The following MAP4K4 variants were observed in gnomAD, a reference collection of about 807,000 sequenced individuals.
MAP4K4 encodes HPK/GCK-like kinase HGK.
Under a neutral mutation model 189.6 loss-of-function variants are expected in MAP4K4, and 38 were observed. The observed-to-expected ratio is 0.20, with a 90% CI of 0.15 to 0.26. The LOEUF (loss-of-function observed/expected upper bound fraction) is 0.26, where lower values mean the gene tolerates loss of function less well. Ranked by LOEUF, MAP4K4 falls within the 10% of genes least tolerant of loss-of-function variation. MAP4K4 has a pLI of 1.00. For synonymous variants in MAP4K4, 610 were observed against 624.3 expected, an observed-to-expected ratio of 0.98 and a Z score of 0.34; for missense variants, 1,054 against 1,726.9, an observed-to-expected ratio of 0.61 and a Z score of 6.91.
rs1169432132 is a variant in MAP4K4, at chr2:101,723,604, T to C, written c.123+25066T>C. On this transcript the variant is annotated intron_variant, in intron 2 of 32. Transcript: ENST00000324219. ...CCTGGGCCAGAATCCAGGTGAGTTC[T>C]CAGTAAGGGTAAGTCTAGAGTTTTC... 3.3e-5 allele frequency among the ~76,000 whole-genome samples: 5 copies of C among 152,196 alleles called. 1 individual carries two copies. The highest frequency in any genetic ancestry group is 1.2e-4 in the African/African-American group (5 of 41,452).
chr2:101,870,196 C>G, intron 22 of MAP4K4, 99 bp from the exon 23 acceptor site: 3 of 1,245,030 alleles, frequency 2.4e-6, no homozygotes, highest in Non-Finnish European at 3.4e-6. Context: ...TATCGGTAGC[C>G]TCATCTCATG....
At chr2:101,815,915 C>T (rs755395570) in intron 3 of MAP4K4, among the ~76,000 whole-genome samples, 2 of 152,118 alleles carry the variant, frequency 1.3e-5, no homozygotes, top group African/African-American at 2.4e-5. Flanking sequence ...CGCACGGGGA[C>T]GTGTTGATAG....
intron 3 of MAP4K4, among the ~76,000 whole-genome samples, chr2:101,823,170 T>C (rs988384367): frequency 1.3e-5 from 2 of 152,198 alleles, no homozygotes; most frequent in Admixed American, 6.5e-5. Context: ...GGGCAACTTA[T>C]TTTTATTTTC....
intron 26 of MAP4K4, among the ~76,000 whole-genome samples, chr2:101,876,327 A>G (rs1445424476): frequency 6.6e-6 from 1 of 152,172 alleles, no homozygotes; most frequent in East Asian, 1.9e-4. Flanking sequence ...TGTGGAAATA[A>G]GGAAGGAGGC....
chr2:101,854,658 G>A (rs1381673221), intron 12 of MAP4K4, among the ~76,000 whole-genome samples: 3 of 152,142 alleles, frequency 2.0e-5, no homozygotes, highest in African/African-American at 7.2e-5. Context: ...TGAGAGTGGT[G>A]GGAAGACCCA....
chr2:101,702,255 G>C (rs916069725), intron 2 of MAP4K4, among the ~76,000 whole-genome samples: 3 of 152,164 alleles, frequency 2.0e-5, no homozygotes, highest in African/African-American at 7.2e-5. Context: ...GATGGCTGGT[G>C]TTCCAAATGT....
chr2:101,849,268 A>G (rs2097204357), intron 12 of MAP4K4, among the ~76,000 whole-genome samples: 2 of 152,048 alleles, frequency 1.3e-5, no homozygotes, highest in South Asian at 2.1e-4. Flanking sequence ...GTCTACAGGC[A>G]TGCACCAGCA....
chr2:101,756,220 C>T (rs1318209245), intron 2 of MAP4K4, among the ~76,000 whole-genome samples: 1 of 152,010 alleles, frequency 6.6e-6, no homozygotes, highest in Non-Finnish European at 1.5e-5. Flanking sequence ...CTGGGATTAA[C>T]AGGCGTGAGC....
At chr2:101,817,542 C>G in intron 3 of MAP4K4, among the ~76,000 whole-genome samples, 1 of 152,192 alleles carries the variant, frequency 6.6e-6, no homozygotes, top group Admixed American at 6.5e-5. Context: ...TCTTCTATAT[C>G]ACATTATTTT....
intron 12 of MAP4K4, among the ~76,000 whole-genome samples, chr2:101,851,724 C>CTTTTTTTTTTTTTTTTTT (rs36217584): frequency 1.5e-5 from 1 of 67,902 alleles, no homozygotes; most frequent in Non-Finnish European, 3.4e-5. Context: ...TAACTGTCCT[C>CTTTTTTTTTTTTTTTTTT]TTTTTTTTTT....
rs371124016 is a variant in MAP4K4, at chr2:101,870,399, C to T, written c.2744C>T (p.Thr915Ile). ...GCCATGACCCCATCCAAGGAGGGCA[C>T]TCTAATCGTCCGCCAGGTACCCGTG... The change falls in exon 23 of 33, where the codon ACT (threonine) becomes ATT (isoleucine). Residue 915 changes from threonine to isoleucine, a missense_variant. Around this residue, in one of 4 missense-constraint regions of MAP4K4, gnomAD observed 646 missense variants for 796.2 expected, o/e 0.81. Coordinates refer to ENST00000324219, the Ensembl canonical transcript of MAP4K4. 7.6e-5 allele frequency: 123 copies of T among 1,613,702 alleles called. 1 individual carries two copies. The highest frequency in any genetic ancestry group is 1.4e-5 in the Non-Finnish European group (17 of 1,179,796).
At chr2:101,701,933 T>C (rs941505349) in intron 2 of MAP4K4, among the ~76,000 whole-genome samples, 3 of 152,192 alleles carry the variant, frequency 2.0e-5, no homozygotes, top group African/African-American at 7.2e-5. Context: ...TGGCACCATC[T>C]CTACTCACTG....
At chr2:101,789,635 T>G (rs1041957283) in intron 2 of MAP4K4, among the ~76,000 whole-genome samples, 1 of 152,194 alleles carries the variant, frequency 6.6e-6, no homozygotes, top group African/African-American at 2.4e-5. Flanking sequence ...ACTCTTTAAG[T>G]CATGAGACAC....
At chr2:101,869,726 TGAG>T (rs2097923380) in exon 22 of MAP4K4, 3 of 1,597,700 alleles carry the variant, frequency 1.9e-6, no homozygotes, top group East Asian at 2.3e-5. Flanking sequence ...GGACGACGGA[TGAG>T]GAGGACGACG....
intron 3 of MAP4K4, among the ~76,000 whole-genome samples, chr2:101,810,167 TA>T (rs898576616): frequency 2.0e-4 from 30 of 152,328 alleles, no homozygotes; most frequent in Admixed American, 1.8e-3. Context: ...ACCCTTTGGC[TA>T]AACCATTGGG....
In MAP4K4 at chr2:101,717,396, G is replaced by T. The variant is rs117667212; in HGVS notation, c.123+18858G>T. 9.8e-4 allele frequency among the ~76,000 whole-genome samples: 149 copies of T among 152,312 alleles called. No individual in the cohort carries two copies. In the East Asian group the frequency reaches 0.015, roughly 15 times the overall value. ...TGCTGTTTATGTGTTGGAAGATGAC[G>T]TTTGAAGATGAGTTTTAGTTCTTAG... On this transcript the variant is annotated intron_variant, in intron 2 of 32. Transcript: ENST00000324219.
rs1274521581 is a variant in MAP4K4, at chr2:101,797,446, CCTTATCTT to C, written c.180+6681_180+6688del. The C allele has an allele frequency of 5.7e-6, 7 of 1,236,478 alleles. No individual in the cohort carries two copies. The Admixed American group carries it at 7.1e-5, about 13-fold the overall frequency. The allele number at this position is 1,236,478 out of a possible 1,614,324, so 76.6% of individuals were successfully genotyped here. A position where few individuals can be genotyped will look rare whatever the true frequency, so the allele number is the denominator to read the frequency against. ...CCCCCTCCTGCACCGCCCCCTCCCT[CCTTATCTT>C]CTTATCTTCTGCTTTTCCCTTAGCT... On this transcript the variant is annotated intron_variant, in intron 3 of 32. Coordinates refer to ENST00000324219, the Ensembl canonical transcript of MAP4K4.
chr2:101,833,491 G>T (rs1016752861), intron 7 of MAP4K4, among the ~76,000 whole-genome samples: 13 of 151,854 alleles, frequency 8.6e-5, no homozygotes, highest in Non-Finnish European at 1.5e-4. Context: ...ATGGTGGCGG[G>T]CGCCTGTAGT....
chr2:101,822,406 T>A (rs1463065429), intron 3 of MAP4K4, among the ~76,000 whole-genome samples: 5 of 152,218 alleles, frequency 3.3e-5, no homozygotes, highest in Admixed American at 3.3e-4. Flanking sequence ...AATACTCCAA[T>A]GTTTATATTT....
Sources: gnomAD v4.1 joint callset for allele counts (sites outside exome capture counted in the v4.1 genomes callset) on GRCh38, gnomAD v4.1.1 for gene constraint, gnomAD v4.1.1 regional missense constraint, MANE v1.5 for transcripts, NCBI Gene and HGNC (gene_info 2026-07-23, HGNC 2026-07-21) for gene names.